BRD7: variants seen among roughly 807,000 people sequenced by gnomAD.
BRD7 encodes the protein bromodomain-containing protein 7.
A neutral mutation model predicts 82.1 loss-of-function variants in BRD7; 15 were observed. That is an observed-to-expected ratio of 0.18 (90% CI 0.12 to 0.28). BRD7 has a LOEUF of 0.28. Among genes scored for constraint, BRD7 ranks in the 10% least tolerant of loss-of-function variants. The pLI is 1.00. For missense variants in BRD7, 638 were observed against 779.9 expected (o/e 0.82, Z 2.17); for synonymous variants, 232 against 266.9 (o/e 0.87, Z 1.27).
At chr16:50,340,518 A>G (rs1248201325) in intron 5 of BRD7, among the ~76,000 whole-genome samples, 1 of 152,242 alleles carries the variant, frequency 6.6e-6, no homozygotes, top group Non-Finnish European at 1.5e-5. Flanking sequence ...TTAGGAATTG[A>G]ACATTTTATT....
chr16:50,346,453 A>AC (rs1403967117), intron 5 of BRD7, among the ~76,000 whole-genome samples: 1 of 152,180 alleles, frequency 6.6e-6, no homozygotes, highest in Non-Finnish European at 1.5e-5. Flanking sequence ...GATACAAAAA[A>AC]CCCTTCAAAA....
chr16:50,368,355 AG>A, intron 1 of BRD7, 57 bp from the exon 2 acceptor site: 1 of 1,561,148 alleles, frequency 6.4e-7, no homozygotes, highest in Non-Finnish European at 8.7e-7. Flanking sequence ...GGGGCTCTCC[AG>A]GGAGTGCTAA....
chr16:50,317,256 G>A lies in BRD7; in HGVS notation c.*1955C>T, dbSNP rs894758624. ...TATAAAGGAATTTCATGGCAACAAT[G>A]CTGGTAAGGGCAATTAGCCTCGCTT... On this transcript the variant is annotated 3_prime_UTR_variant, in exon 17 of 17. Coordinates refer to ENST00000394688, the MANE Select transcript of BRD7 (RefSeq NM_013263.5). 5.9e-5 allele frequency: 9 copies of A among 152,766 alleles called. No individual in the cohort carries two copies. 9.5% of individuals were successfully genotyped at this position (152,766 alleles called of 1,614,324 possible).
At chr16:50,330,731 TA>T (rs370137033) in intron 8 of BRD7, among the ~76,000 whole-genome samples, 1 of 151,776 alleles carries the variant, frequency 6.6e-6, no homozygotes, top group Admixed American at 6.6e-5. Context: ...TTATTTTATT[TA>T]AAAAAAACAG....
chr16:50,317,932 T>C lies in BRD7; in HGVS notation c.*1279A>G, dbSNP rs1567591432. 6.6e-6 allele frequency: 1 copy of C among 152,308 alleles called. No individual in the cohort carries two copies. The highest frequency in any genetic ancestry group is 1.5e-5 in the Non-Finnish European group (1 of 68,032). 9.4% of individuals were successfully genotyped at this position (152,308 alleles called of 1,614,324 possible). A position where few individuals can be genotyped will look rare whatever the true frequency, so the allele number is the denominator to read the frequency against. On this transcript the variant is annotated 3_prime_UTR_variant, in exon 17 of 17. Coordinates refer to ENST00000394688, the MANE Select transcript of BRD7 (RefSeq NM_013263.5). The stretch of plus-strand genomic sequence containing the variant: ...AACAAACAAACAGAAGAGAAGATCA[T>C]TAACCACTGTATACTTTGTGTATAT...
intron 2 of BRD7, among the ~76,000 whole-genome samples, chr16:50,361,510 G>A (rs1196595275): frequency 1.3e-5 from 2 of 152,270 alleles, no homozygotes; most frequent in African/African-American, 4.8e-5. Flanking sequence ...CAGCAAGTGA[G>A]TTTCAATAAA....
intron 4 of BRD7, among the ~76,000 whole-genome samples, chr16:50,352,485 G>A (rs1173609115): frequency 6.6e-6 from 1 of 152,138 alleles, no homozygotes; most frequent in Non-Finnish European, 1.5e-5. Flanking sequence ...TGGCTACTAT[G>A]AATAGCACTG....
At chr16:50,346,056 T>G (rs1450533472) in intron 5 of BRD7, among the ~76,000 whole-genome samples, 1 of 152,080 alleles carries the variant, frequency 6.6e-6, no homozygotes, top group Non-Finnish European at 1.5e-5. Context: ...GAACAGAAAT[T>G]ATAACAAACT....
intron 2 of BRD7, among the ~76,000 whole-genome samples, chr16:50,361,999 T>C (rs2038952818): frequency 6.6e-6 from 1 of 152,198 alleles, no homozygotes; most frequent in South Asian, 2.1e-4. Flanking sequence ...AAGTAGCCCA[T>C]TAAGTACAAT....
At chr16:50,321,566 CAAAAAAAAAAAAA>C (rs60824563) in intron 13 of BRD7, among the ~76,000 whole-genome samples, 2 of 67,446 alleles carry the variant, frequency 3.0e-5, no homozygotes, top group African/African-American at 5.9e-5. Context: ...GACTCCATCT[CAAAAAAAAAAAAA>C]AAAAAAAAAA....
At position 50,340,053 on chromosome 16, in the gene BRD7, T is replaced by G. The variant is rs1441991744; in HGVS notation, c.625A>C (p.Ile209Leu). 1.3e-6 allele frequency: 2 copies of G among 1,587,576 alleles called. No homozygotes were observed. The highest frequency in any genetic ancestry group is 2.3e-5 in the South Asian group (2 of 88,052). The part of the protein sequence containing the change: ...NFKLMCTNAM[I>L]YNKPETIYYK... ...TAAATGGTCTCTGGTTTATTGTAAA[T>G]CATGGCATTAGTACACATTAGTTTG... The change falls in exon 6 of 17, where the codon ATT becomes CTT. Residue 209 changes from isoleucine (I) to leucine (L), a missense_variant. This residue lies in a region of BRD7 where 64 missense variants were observed against 123.8 expected (regional missense o/e 0.52). Transcript: ENST00000394688.
intron 5 of BRD7, chr16:50,349,494 G>C: frequency 2.1e-6 from 1 of 466,534 alleles, no homozygotes; most frequent in East Asian, 7.0e-5. Context: ...AGACGTGCTT[G>C]CTTCCCCTTC....
intron 5 of BRD7, among the ~76,000 whole-genome samples, chr16:50,346,361 T>C (rs993430168): frequency 6.6e-6 from 1 of 151,866 alleles, no homozygotes; most frequent in African/African-American, 2.4e-5. Context: ...TTAAAAAAAT[T>C]AGAGAAGCAA....
intron 2 of BRD7, among the ~76,000 whole-genome samples, chr16:50,355,545 C>T (rs2038698909): frequency 2.0e-5 from 3 of 152,188 alleles, no homozygotes; most frequent in Admixed American, 2.0e-4. Context: ...AGCCCAGAAA[C>T]AGACCCATGT....
In BRD7 at chr16:50,368,977, GGC is replaced by G; in HGVS notation, c.-205_-204del. The G allele has an allele frequency of 7.0e-6, 1 of 143,518 alleles. No individual in the cohort carries two copies. The highest frequency in any genetic ancestry group is 2.8e-4 in the East Asian group (1 of 3,536). 8.9% of individuals were successfully genotyped at this position (143,518 alleles called of 1,614,324 possible). A position where few individuals can be genotyped will look rare whatever the true frequency, so the allele number is the denominator to read the frequency against. On this transcript the variant is annotated 5_prime_UTR_variant, in exon 1 of 17. Transcript: ENST00000394688. ...GACCCGGCCGGAGCCCGAGAGCGGC[GGC>G]GGGGGGGGCGCGCGGCCGGCGCAGA...
In BRD7 at chr16:50,334,777, C is replaced by T; in HGVS notation, c.821G>A (p.Arg274Lys). The change falls in exon 7 of 17, where the codon AGA (arginine) becomes AAA (lysine). Residue 274 changes from arginine (R) to lysine (K), a missense_variant. By Grantham distance (26) the Arg-to-Lys change is conservative. Coordinates refer to ENST00000394688, the MANE Select transcript of BRD7 (RefSeq NM_013263.5). Reference protein sequence around the residue: ...QSGEDGGCWQREREDSGDAEA... With the variant: ...QSGEDGGCWQKEREDSGDAEA... ...GGCATCTCCAGAGTCCTCTCTCTCT[C>T]TCTGCCAGCAGCCTCCGTCCTCCCC... 1.2e-6 allele frequency: 2 copies of T among 1,614,070 alleles called. No homozygotes were observed. The highest frequency in any genetic ancestry group is 4.5e-5 in the East Asian group (2 of 44,884).
rs564985699 is a variant in BRD7 at position 50,342,519 on chromosome 16, C to T, written c.592-2433G>A. ...TGTCGCAAGCTCTGCCTCCTGGGTT[C>T]ACGCCATTCTCCGGCCTCAGCCTCC... On this transcript the variant is annotated intron_variant, in intron 5 of 16. Transcript: ENST00000394688. 4.0e-3 allele frequency among the ~76,000 whole-genome samples: 466 copies of T among 117,338 alleles called. 1 individual carries two copies. Among genetic ancestry groups the T allele is most frequent in the African/African-American group, 0.014 (439 of 30,288 alleles). The allele number at this position is 117,338 out of a possible 152,430, so 77.0% of individuals were successfully genotyped here.
intron 2 of BRD7, among the ~76,000 whole-genome samples, chr16:50,356,454 A>C (rs2038735322): frequency 6.6e-6 from 1 of 152,226 alleles, no homozygotes; most frequent in Non-Finnish European, 1.5e-5. Context: ...AATGTAAATG[A>C]GCTAAAATTG....
At chr16:50,321,566 C>CAAA (rs60824563) in intron 13 of BRD7, among the ~76,000 whole-genome samples, 10 of 67,456 alleles carry the variant, frequency 1.5e-4, no homozygotes, top group African/African-American at 3.6e-4. Context: ...GACTCCATCT[C>CAAA]AAAAAAAAAA....
Sources: gnomAD v4.1 joint callset for allele counts (sites outside exome capture counted in the v4.1 genomes callset) on GRCh38, gnomAD v4.1.1 for gene constraint, gnomAD v4.1.1 regional missense constraint, MANE v1.5 for transcripts, NCBI Gene and HGNC (gene_info 2026-07-23, HGNC 2026-07-21) for gene names.